Variants in HCRTR2 observed in about 807,000 individuals in gnomAD.
HCRTR2 encodes orexin receptor type 2.
In HCRTR2, 22 loss-of-function variants were observed where a neutral mutation model predicts 49.0. The observed-to-expected ratio is 0.45, with a 90% CI of 0.32 to 0.64. HCRTR2 has a LOEUF of 0.64. Ranked by LOEUF, HCRTR2 falls within the 30% of genes least tolerant of loss-of-function variation. The probability of loss-of-function intolerance (pLI) is 0.04; values close to 1 mark genes in which losing one functional copy is unlikely to be tolerated. For synonymous variants in HCRTR2, 236 were observed against 205.3 expected, an observed-to-expected ratio of 1.15 and a Z score of -1.28; for missense variants, 491 against 559.4, an observed-to-expected ratio of 0.88 and a Z score of 1.23.
chr6:55,126,711 GAGA>G (rs1561979846), intron 1 of HCRTR2, among the ~76,000 whole-genome samples: 33 of 80,200 alleles, frequency 4.1e-4, no homozygotes, highest in Non-Finnish European at 1.1e-3. Flanking sequence ...CTGTCCCAGG[GAGA>G]TGGCGTTTTA....
chr6:55,133,347 G>A (rs1764384445), intron 1 of HCRTR2, among the ~76,000 whole-genome samples: 1 of 150,566 alleles, frequency 6.6e-6, no homozygotes, highest in African/African-American at 2.4e-5. Context: ...ATAAATGTAT[G>A]TGTGTGAGAG....
chr6:55,150,518 A>G (rs1211121267), intron 1 of HCRTR2, among the ~76,000 whole-genome samples: 1 of 151,806 alleles, frequency 6.6e-6, no homozygotes, highest in Admixed American at 6.6e-5. Context: ...CCGGCCCTGG[A>G]TACTTCTGTT....
chr6:55,135,126 G>A (rs1223238946), intron 1 of HCRTR2, among the ~76,000 whole-genome samples: 2 of 152,056 alleles, frequency 1.3e-5, no homozygotes, highest in African/African-American at 2.4e-5. Context: ...GCAACAGAAA[G>A]TGAATGGTAA....
chr6:55,144,683 T>G (rs1764555345), intron 1 of HCRTR2, among the ~76,000 whole-genome samples: 1 of 152,140 alleles, frequency 6.6e-6, no homozygotes, highest in African/African-American at 2.4e-5. Flanking sequence ...TGTGATAATC[T>G]GCTCCCTCGC....
At position 55,241,861 on chromosome 6, in the gene HCRTR2, ATTTTTTTT is replaced by A. The variant is rs917427627; in HGVS notation, c.224-6762_224-6755del. Among the ~76,000 whole-genome samples the A allele has an allele frequency of 8.3e-3, 765 of 92,526 alleles. 9 individuals carry two copies. Among genetic ancestry groups the A allele is most frequent in the Middle Eastern group, 0.042 (5 of 118 alleles). 60.7% of individuals were successfully genotyped at this position (92,526 alleles called of 152,430 possible). On this transcript the variant is annotated intron_variant, in intron 1 of 6. Transcript: ENST00000370862. ...GTAGTCTGTCTTACTATGGCAACTA[ATTTTTTTT>A]TTTTTTTTTTTTTTTGTGAGAGGGA...
At chr6:55,179,316 G>A (rs983256082) in intron 1 of HCRTR2, among the ~76,000 whole-genome samples, 2 of 152,076 alleles carry the variant, frequency 1.3e-5, no homozygotes, top group African/African-American at 4.8e-5. Flanking sequence ...TCTCGGCCAA[G>A]ACTCAATAGA....
Position 55,236,124 on chromosome 6 carries a change from C to T in HCRTR2, c.224-12515C>T, listed in dbSNP as rs181825076. Reference sequence around the variant, plus strand: ...TCACAGCCTTACAATACTTATTCTTCGATTCCATGAGTAGGGTATATCCCC... The same window carrying T: ...TCACAGCCTTACAATACTTATTCTTTGATTCCATGAGTAGGGTATATCCCC... On this transcript the variant is annotated intron_variant, in intron 1 of 6. Coordinates refer to ENST00000370862, the MANE Select transcript of HCRTR2 (RefSeq NM_001384272.1). 7.9e-5 allele frequency among the ~76,000 whole-genome samples: 12 copies of T among 152,052 alleles called. No individual in the cohort carries two copies. In the South Asian group the frequency reaches 1.0e-3, roughly 13 times the overall value.
chr6:55,112,301 A>G (rs1764059794), intron 1 of HCRTR2, among the ~76,000 whole-genome samples: 1 of 152,040 alleles, frequency 6.6e-6, no homozygotes, highest in Middle Eastern at 3.2e-3. Flanking sequence ...CGGAGCAATT[A>G]GACAAGAGAA....
At chr6:55,141,664 C>T (rs929911495) in intron 1 of HCRTR2, among the ~76,000 whole-genome samples, 1 of 152,094 alleles carries the variant, frequency 6.6e-6, no homozygotes, top group Admixed American at 6.5e-5. Flanking sequence ...TTGAACCCAG[C>T]TGTTGGATGT....
At chr6:55,149,893 C>G (rs866899253) in intron 1 of HCRTR2, among the ~76,000 whole-genome samples, 1 of 152,002 alleles carries the variant, frequency 6.6e-6, no homozygotes, top group Non-Finnish European at 1.5e-5. Context: ...AAAGCTAAAT[C>G]ACTTTAATGT....
At chr6:55,226,806 C>G (rs1397128983) in intron 1 of HCRTR2, among the ~76,000 whole-genome samples, 1 of 146,224 alleles carries the variant, frequency 6.8e-6, no homozygotes, top group Admixed American at 6.8e-5. Flanking sequence ...GAAAGCTCCG[C>G]CTCCCGGGTT....
intron 1 of HCRTR2, among the ~76,000 whole-genome samples, chr6:55,243,059 C>CTG (rs1554181773): frequency 6.6e-6 from 1 of 152,008 alleles, no homozygotes; most frequent in African/African-American, 2.4e-5. Context: ...TGTGCAGGAG[C>CTG]TATATATCAT....
chr6:55,249,930 A>G (rs1454937523), intron 2 of HCRTR2, among the ~76,000 whole-genome samples: 1 of 152,070 alleles, frequency 6.6e-6, no homozygotes, highest in Non-Finnish European at 1.5e-5. Flanking sequence ...ATATTTTAAG[A>G]AAACAGAAAA....
chr6:55,240,353 A>C (rs955535163), intron 1 of HCRTR2, among the ~76,000 whole-genome samples: 2 of 105,676 alleles, frequency 1.9e-5, no homozygotes, highest in African/African-American at 7.5e-5. Flanking sequence ...GCGAGACTCC[A>C]GCTCAAAAAA....
Position 55,255,325 on chromosome 6 carries a change from C to A in HCRTR2, c.592C>A (p.Pro198Thr). 1 of 1,613,968 alleles carries A rather than the reference C, an allele frequency of 6.2e-7. No homozygotes were observed. The highest frequency in any genetic ancestry group is 8.5e-7 in the Non-Finnish European group (1 of 1,179,956). The change falls in exon 3 of 7, where the codon CCA (proline) becomes ACA (threonine). Residue 198 changes from proline (P) to threonine (T), a missense_variant. Coordinates refer to ENST00000370862, the MANE Select transcript of HCRTR2 (RefSeq NM_001384272.1). ...CGTCATGGAGTGCAGCACCGTGTTCCCAGGCTTAGCCAATAAAACCACCCT... is the reference window on the plus strand; with the variant it reads ...CGTCATGGAGTGCAGCACCGTGTTCACAGGCTTAGCCAATAAAACCACCCT... ...AIVMECSTVF[P>T]GLANKTTLFT...
intron 1 of HCRTR2, among the ~76,000 whole-genome samples, chr6:55,190,299 A>C (rs3134691): frequency 0.27 from 40,529 of 151,944 alleles, 5,801 homozygotes; most frequent in African/African-American, 0.36. Context: ...ATAGGATTTG[A>C]TGACGGATTG....
intron 2 of HCRTR2, among the ~76,000 whole-genome samples, chr6:55,249,422 A>G (rs1323813336): frequency 1.3e-5 from 2 of 152,148 alleles, no homozygotes; most frequent in African/African-American, 4.8e-5. Context: ...CACCAATTGT[A>G]TGCTATCAAG....
intron 3 of HCRTR2, among the ~76,000 whole-genome samples, chr6:55,261,959 A>AAATAATG (rs1412909078): frequency 6.6e-6 from 1 of 152,190 alleles, no homozygotes. Flanking sequence ...AAAAGGAACG[A>AAATAATG]AATAATGGCA....
intron 1 of HCRTR2, among the ~76,000 whole-genome samples, chr6:55,184,371 G>A (rs938410976): frequency 2.6e-5 from 4 of 152,038 alleles, no homozygotes; most frequent in African/African-American, 9.7e-5. Context: ...TACTGACTGA[G>A]GTTTCAATGC....
Sources: gnomAD v4.1 joint callset for allele counts (sites outside exome capture counted in the v4.1 genomes callset) on GRCh38, gnomAD v4.1.1 for gene constraint, MANE v1.5 for transcripts, NCBI Gene and HGNC (gene_info 2026-07-23, HGNC 2026-07-21) for gene names.